COL24A1: variants seen among roughly 807,000 people sequenced by gnomAD.
COL24A1 encodes the protein collagen type XXIV alpha 1 chain, also known as collagen alpha-1(XXIV) chain.
A neutral mutation model predicts 253.9 loss-of-function variants in COL24A1; 224 were observed. The observed-to-expected ratio is 0.88, with a 90% CI of 0.79 to 0.99. COL24A1 has a LOEUF of 0.99. COL24A1 is among the 50% of genes least tolerant of loss of function. COL24A1 has a pLI of 0.00. For missense variants in COL24A1, 2,131 were observed against 2,068.5 expected (o/e 1.03, Z -0.59); for synonymous variants, 685 against 673.7 (o/e 1.02, Z -0.26).
intron 19 of COL24A1, among the ~76,000 whole-genome samples, chr1:86,012,382 G>A (rs1425730089): frequency 1.3e-5 from 2 of 152,120 alleles, no homozygotes; most frequent in African/African-American, 4.8e-5. Context: ...GAGGTCAGGA[G>A]ATCAAGACTA....
chr1:85,968,864 TA>T, intron 22 of COL24A1, among the ~76,000 whole-genome samples: 1 of 152,302 alleles, frequency 6.6e-6, no homozygotes, highest in Admixed American at 6.5e-5. Flanking sequence ...AACAGAATCA[TA>T]ACTTCTTGTC....
At chr1:85,918,938 T>A (rs1006244621) in intron 24 of COL24A1, among the ~76,000 whole-genome samples, 1 of 152,234 alleles carries the variant, frequency 6.6e-6, no homozygotes, top group Non-Finnish European at 1.5e-5. Context: ...CTTGGCCATA[T>A]AATTTGGAGT....
chr1:85,964,735 T>C (rs1433630179), intron 23 of COL24A1, among the ~76,000 whole-genome samples: 2 of 152,144 alleles, frequency 1.3e-5, no homozygotes, highest in South Asian at 2.1e-4. Flanking sequence ...GATTCTTAAC[T>C]TGTAAGCATG....
chr1:85,834,202 C>A (rs990404660), intron 43 of COL24A1, among the ~76,000 whole-genome samples: 1 of 151,400 alleles, frequency 6.6e-6, no homozygotes, highest in Non-Finnish European at 1.5e-5. Flanking sequence ...ATTCCAGAAA[C>A]ATTTAAGAAT....
Position 85,881,894 on chromosome 1 carries a change from T to C in COL24A1, c.2977-4719A>G, listed in dbSNP as rs1022114022. 6.6e-5 allele frequency among the ~76,000 whole-genome samples: 10 copies of C among 151,946 alleles called. 1 individual carries two copies. The highest frequency in any genetic ancestry group is 3.3e-4 in the Admixed American group (5 of 15,246). Reference sequence around the variant, plus strand: ...TCTTCTGCTTACTTTGTATTTAATTTGCTTTTCTTTTATAGTTTCCTAGGA... The same window carrying C: ...TCTTCTGCTTACTTTGTATTTAATTCGCTTTTCTTTTATAGTTTCCTAGGA... On this transcript the variant is annotated intron_variant, in intron 32 of 59. Coordinates refer to ENST00000370571, the MANE Select transcript of COL24A1 (RefSeq NM_152890.7).
intron 7 of COL24A1, among the ~76,000 whole-genome samples, chr1:86,070,383 G>A (rs936687604): frequency 2.0e-5 from 3 of 152,132 alleles, no homozygotes; most frequent in African/African-American, 7.2e-5. Context: ...CCTTAAAGAG[G>A]AAGTAGAGAA....
Position 86,156,380 on chromosome 1 carries a change from T to C in COL24A1, c.17A>G (p.His6Arg), listed in dbSNP as rs767354172. The change falls in exon 1 of 60, where the codon CAC becomes CGC. Residue 6 changes from histidine to arginine, a missense_variant. Coordinates refer to ENST00000370571, the MANE Select transcript of COL24A1 (RefSeq NM_152890.7). MHLRA[H>R]RTRRGKVSPT... is the part of the protein sequence containing the mutation. ...GGAGACTTTTCCACGCCTTGTTCTG[T>C]GGGCTCTTAAATGCATTTGTATGCA... is the stretch of plus-strand genomic sequence containing the variant. 5.6e-6 allele frequency: 9 copies of C among 1,612,548 alleles called. No individual in the cohort carries two copies. Among genetic ancestry groups the C allele is most frequent in the African/African-American group, 1.3e-5 (1 of 74,816 alleles).
At chr1:85,901,645 T>C (rs1684306011) in intron 28 of COL24A1, among the ~76,000 whole-genome samples, 2 of 151,510 alleles carry the variant, frequency 1.3e-5, no homozygotes, top group Admixed American at 6.6e-5. Flanking sequence ...ACCCCATCTC[T>C]ACTAAAAATA....
intron 47 of COL24A1, among the ~76,000 whole-genome samples, chr1:85,797,024 C>T (rs941475817): frequency 1.3e-5 from 2 of 150,838 alleles, no homozygotes; most frequent in African/African-American, 4.9e-5. Flanking sequence ...CATGGTGAAA[C>T]CCCGTCTCTA....
At chr1:86,122,282 A>C (rs1647495241) in intron 3 of COL24A1, among the ~76,000 whole-genome samples, 1 of 151,708 alleles carries the variant, frequency 6.6e-6, no homozygotes, top group Non-Finnish European at 1.5e-5. Flanking sequence ...CTTCTTTCAT[A>C]TTTTGATATC....
intron 43 of COL24A1, among the ~76,000 whole-genome samples, chr1:85,830,578 C>T (rs891176233): frequency 2.6e-4 from 40 of 152,240 alleles, no homozygotes; most frequent in East Asian, 1.9e-4. Context: ...AGCGAGACTC[C>T]GTGGGCATAG....
At chr1:85,871,326 A>C (rs999565919) in intron 35 of COL24A1, among the ~76,000 whole-genome samples, 1 of 152,158 alleles carries the variant, frequency 6.6e-6, no homozygotes, top group African/African-American at 2.4e-5. Context: ...AAAAAGAGGA[A>C]TCCTCCCTAA....
chr1:85,774,194 C>G (rs534801241), intron 53 of COL24A1, among the ~76,000 whole-genome samples: 3 of 152,100 alleles, frequency 2.0e-5, no homozygotes, highest in African/African-American at 7.2e-5. Flanking sequence ...GTATGTTGAA[C>G]GAGCCTTGCA....
At chr1:86,027,497 A>C (rs2101444379) in intron 14 of COL24A1, among the ~76,000 whole-genome samples, 1 of 152,338 alleles carries the variant, frequency 6.6e-6, no homozygotes, top group South Asian at 2.1e-4. Context: ...GGTGCTTCAG[A>C]GGGTGCAAGC....
chr1:86,133,861 A>G (rs1240345717), intron 2 of COL24A1, among the ~76,000 whole-genome samples: 1 of 152,182 alleles, frequency 6.6e-6, no homozygotes, highest in African/African-American at 2.4e-5. Flanking sequence ...TGCTGGCCTC[A>G]TCAAATGAGT....
intron 47 of COL24A1, among the ~76,000 whole-genome samples, chr1:85,802,660 A>G (rs1671557657): frequency 6.6e-6 from 1 of 152,164 alleles, no homozygotes; most frequent in South Asian, 2.1e-4. Context: ...CTATTAAACC[A>G]TCACCACTAT....
intron 24 of COL24A1, among the ~76,000 whole-genome samples, chr1:85,957,626 C>T (rs968410501): frequency 5.3e-5 from 8 of 152,180 alleles, no homozygotes; most frequent in Non-Finnish European, 1.2e-4. Flanking sequence ...TCTGTTATCT[C>T]AAATATCTTC....
At chr1:86,143,907 A>C (rs772720180) in intron 2 of COL24A1, among the ~76,000 whole-genome samples, 7 of 152,144 alleles carry the variant, frequency 4.6e-5, no homozygotes, top group Non-Finnish European at 8.8e-5. Context: ...CAGCAGTATT[A>C]ATATAAATAA....
chr1:85,871,531 G>C (rs1680490064), intron 35 of COL24A1, among the ~76,000 whole-genome samples: 4 of 152,286 alleles, frequency 2.6e-5, no homozygotes, highest in South Asian at 4.1e-4. Context: ...GGGATGCAAG[G>C]CTGGTTCAAC....
Sources: gnomAD v4.1 joint callset for allele counts (sites outside exome capture counted in the v4.1 genomes callset) on GRCh38, gnomAD v4.1.1 for gene constraint, MANE v1.5 for transcripts, NCBI Gene and HGNC (gene_info 2026-07-23, HGNC 2026-07-21) for gene names.